TBXAS1: variants seen among roughly 807,000 people sequenced by gnomAD.
TBXAS1 encodes the protein thromboxane A synthase 1, also known as thromboxane-A synthase.
A neutral mutation model predicts 60.7 loss-of-function variants in TBXAS1; 48 were observed. That is an observed-to-expected ratio of 0.79 (90% CI 0.63 to 1.01). TBXAS1 has a LOEUF of 1.01. Ranked by LOEUF, TBXAS1 falls within the 50% of genes least tolerant of loss-of-function variation. The pLI, the probability that TBXAS1 is intolerant of heterozygous loss-of-function variation, is 0.00. For missense variants in TBXAS1, 685 were observed against 686.3 expected (o/e 1.00, Z 0.02); for synonymous variants, 287 against 269.7 (o/e 1.06, Z -0.63).
intron 9 of TBXAS1, among the ~76,000 whole-genome samples, chr7:140,006,550 T>C (rs1055487438): frequency 1.3e-5 from 2 of 152,178 alleles, no homozygotes; most frequent in Non-Finnish European, 2.9e-5. Flanking sequence ...TTCTAGCTAG[T>C]TGTCTTTTCC....
Position 139,955,366 on chromosome 7 carries a change from G to A in TBXAS1, c.540-93G>A, listed in dbSNP as rs545400007. On this transcript the variant is annotated intron_variant, in intron 6 of 12. Transcript: ENST00000448866. The stretch of plus-strand genomic sequence containing the variant: ...CATCTGCAGGGCTGGGCAAGCCAGT[G>A]TAAGCAATTCAGGCCCTCCTCCTCT... 16 of 1,540,812 alleles carry A rather than the reference G, an allele frequency of 1.0e-5. No individual in the cohort carries two copies. In the African/African-American group the frequency reaches 1.2e-4, roughly 12 times the overall value.
At chr7:139,954,521 C>T (rs1230792517) in intron 6 of TBXAS1, among the ~76,000 whole-genome samples, 6 of 152,168 alleles carry the variant, frequency 3.9e-5, no homozygotes, top group African/African-American at 1.2e-4. Context: ...CATCTGGAAA[C>T]GTCATGTATT....
intron 3 of TBXAS1, among the ~76,000 whole-genome samples, chr7:139,889,913 C>T (rs557671013): frequency 6.6e-6 from 1 of 152,118 alleles, no homozygotes; most frequent in Non-Finnish European, 1.5e-5. Context: ...ACATTGGGTG[C>T]AAGGTGACTT....
chr7:139,889,177 C>T (rs1183410726), intron 3 of TBXAS1, among the ~76,000 whole-genome samples: 1 of 151,666 alleles, frequency 6.6e-6, no homozygotes, highest in African/African-American at 2.4e-5. Flanking sequence ...ACAAAAAATA[C>T]CAAAATTAGC....
intron 1 of TBXAS1, among the ~76,000 whole-genome samples, chr7:139,838,897 C>T (rs969237511): frequency 6.6e-5 from 10 of 152,104 alleles, no homozygotes; most frequent in African/African-American, 1.9e-4. Context: ...CATGCTAAGA[C>T]GATTAACACA....
intron 4 of TBXAS1, among the ~76,000 whole-genome samples, chr7:139,812,559 A>G (rs1055777044): frequency 6.6e-6 from 1 of 152,220 alleles, no homozygotes; most frequent in Non-Finnish European, 1.5e-5. Flanking sequence ...ATTATGCCTA[A>G]TTAAAGACAG....
chr7:139,888,249 G>T (rs1803268481), intron 3 of TBXAS1, among the ~76,000 whole-genome samples: 2 of 152,134 alleles, frequency 1.3e-5, no homozygotes, highest in African/African-American at 4.8e-5. Context: ...CAATTTATGT[G>T]TCTGCCTTTC....
intron 2 of TBXAS1, among the ~76,000 whole-genome samples, chr7:139,874,315 A>T (rs961735191): frequency 6.6e-6 from 1 of 152,210 alleles, no homozygotes; most frequent in Non-Finnish European, 1.5e-5. Flanking sequence ...GATCAGTTGT[A>T]TTCCGTGGAA....
rs190569687 is a variant in TBXAS1, at chr7:139,926,147, G to T, written c.334-10044G>T. On this transcript the variant is annotated intron_variant, in intron 4 of 12. Coordinates refer to ENST00000448866, the MANE Select transcript of TBXAS1 (RefSeq NM_001061.7). ...GTGACTTTGTCTGGTTTTGGTATTAGGGTATGCTGGCCTCCTGGAGTGACT... is the reference window on the plus strand; with the variant it reads ...GTGACTTTGTCTGGTTTTGGTATTATGGTATGCTGGCCTCCTGGAGTGACT... Among the ~76,000 whole-genome samples the T allele has an allele frequency of 4.0e-4, 61 of 152,168 alleles. No individual in the cohort carries two copies. In the East Asian group the frequency reaches 8.9e-3, roughly 22 times the overall value.
chr7:140,008,915 G>T (rs1241632713), intron 10 of TBXAS1, among the ~76,000 whole-genome samples: 1 of 152,228 alleles, frequency 6.6e-6, no homozygotes, highest in African/African-American at 2.4e-5. Context: ...GGTAGCTGGG[G>T]TCCAGCTGTG....
chr7:139,996,682 G>A (rs765593364), intron 9 of TBXAS1, among the ~76,000 whole-genome samples: 4 of 152,184 alleles, frequency 2.6e-5, no homozygotes, highest in Non-Finnish European at 5.9e-5. Context: ...CACCTCCCCT[G>A]GTAGAGCTTC....
intron 11 of TBXAS1, among the ~76,000 whole-genome samples, chr7:140,016,222 G>A (rs1176954317): frequency 2.0e-5 from 3 of 152,014 alleles, no homozygotes; most frequent in Non-Finnish European, 4.4e-5. Flanking sequence ...CAGCTACTTG[G>A]GAGGCTGAGG....
At chr7:139,803,318 C>A (rs1797766081) in intron 4 of TBXAS1, among the ~76,000 whole-genome samples, 3 of 152,162 alleles carry the variant, frequency 2.0e-5, no homozygotes, top group Admixed American at 2.0e-4. Flanking sequence ...AATAGACTGG[C>A]AGCATTTTGC....
Position 139,853,263 on chromosome 7 carries a change from T to C in TBXAS1, c.90-18972T>C, listed in dbSNP as rs545918882. ...ACTCAGAGCCCTCAACCCACAGACT[T>C]GAACAAACAGGGGCTTTTCGCATCC... On this transcript the variant is annotated intron_variant, in intron 1 of 12. Transcript: ENST00000448866. 2.4e-4 allele frequency among the ~76,000 whole-genome samples: 34 copies of C among 143,660 alleles called. No individual in the cohort carries two copies. In the South Asian group the frequency reaches 3.1e-3, roughly 13 times the overall value. The allele number at this position is 143,660 out of a possible 152,430, so 94.2% of individuals were successfully genotyped here. A position where few individuals can be genotyped will look rare whatever the true frequency, so the allele number is the denominator to read the frequency against.
chr7:140,007,393 T>C (rs1814172498), intron 10 of TBXAS1, among the ~76,000 whole-genome samples: 1 of 152,202 alleles, frequency 6.6e-6, no homozygotes, highest in Non-Finnish European at 1.5e-5. Flanking sequence ...TTCACAGGCA[T>C]TTTCTTAACA....
rs906147238 is a variant in TBXAS1 at position 139,876,166 on chromosome 7, T to G, written c.236+529T>G. 3.9e-5 allele frequency among the ~76,000 whole-genome samples: 6 copies of G among 152,210 alleles called. No individual in the cohort carries two copies. The South Asian group carries it at 1.2e-3, about 31-fold the overall frequency. On this transcript the variant is annotated intron_variant, in intron 3 of 12. Coordinates refer to ENST00000448866, the MANE Select transcript of TBXAS1 (RefSeq NM_001061.7). ...TATTAATAATTACCCCAGGATAACCTTATCACCTAAGACTATCCCGGATAT... is the reference window on the plus strand; with the variant it reads ...TATTAATAATTACCCCAGGATAACCGTATCACCTAAGACTATCCCGGATAT...
chr7:139,873,348 G>T (rs1357347626), intron 2 of TBXAS1, among the ~76,000 whole-genome samples: 1 of 152,188 alleles, frequency 6.6e-6, no homozygotes, highest in African/African-American at 2.4e-5. Flanking sequence ...TTTGAGGACA[G>T]GGACATTGAA....
rs1372791964 is a variant in TBXAS1 at position 139,875,610 on chromosome 7, TC to T, written c.210del (p.Arg71GlufsTer25). 1.9e-6 allele frequency: 3 copies of T among 1,614,216 alleles called. No homozygotes were observed. The highest frequency in any genetic ancestry group is 4.5e-5 in the East Asian group (2 of 44,882). ...GGTTTTTGGGAAAGCCAAATGGAGC[TC>T]AGAAAGCTGTATGGACCTCTGTGTG... The part of the protein sequence containing the change: ...RQGFWESQME[L>X]RKLYGPLCGY... On this transcript the variant is annotated frameshift_variant, in exon 3 of 13. Transcript: ENST00000448866. LOFTEE classifies it high-confidence loss of function.
At chr7:140,006,310 G>A (rs1814072635) in intron 9 of TBXAS1, among the ~76,000 whole-genome samples, 1 of 152,152 alleles carries the variant, frequency 6.6e-6, no homozygotes, top group African/African-American at 2.4e-5. Context: ...ATGGGCACGT[G>A]TTCATCTTCA....
Sources: gnomAD v4.1 joint callset for allele counts (sites outside exome capture counted in the v4.1 genomes callset) on GRCh38, gnomAD v4.1.1 for gene constraint, MANE v1.5 for transcripts, NCBI Gene and HGNC (gene_info 2026-07-23, HGNC 2026-07-21) for gene names.